The following HHLA2 variants were observed in gnomAD, a reference collection of about 807,000 sequenced individuals.
The protein encoded by HHLA2 is HHLA2 member of B7 family, also known as HERV-H LTR-associating protein 2.
HHLA2 carries 48 observed loss-of-function variants against 45.9 expected under a neutral mutation model. That is an observed-to-expected ratio of 1.05 (90% CI 0.83 to 1.33). The LOEUF is 1.33. Among genes scored for constraint, HHLA2 ranks in the 40% most tolerant of loss-of-function variants. The pLI, the probability that HHLA2 is intolerant of heterozygous loss-of-function variation, is 0.00. For synonymous variants in HHLA2, 161 were observed against 173.9 expected (o/e 0.93, Z 0.59); for missense variants, 462 against 494.3 (o/e 0.93, Z 0.62).
chr3:108,298,902 A>G (rs1439492369), intron 1 of HHLA2, among the ~76,000 whole-genome samples: 1 of 149,070 alleles, frequency 6.7e-6, no homozygotes, highest in Non-Finnish European at 1.5e-5. Context: ...GCAAATGTAC[A>G]CTTGCAGCTT....
At chr3:108,351,763 TG>T (rs1560245855) in intron 3 of HHLA2, 24 bp from the exon 3 acceptor site, 2 of 1,466,806 alleles carry the variant, frequency 1.4e-6, no homozygotes, top group Non-Finnish European at 1.9e-6. Flanking sequence ...ATCCATAACA[TG>T]TGCACTTTAC....
At chr3:108,370,534 A>G (rs2107507199) in intron 8 of HHLA2, among the ~76,000 whole-genome samples, 1 of 152,314 alleles carries the variant, frequency 6.6e-6, no homozygotes, top group African/African-American at 2.4e-5. Flanking sequence ...ACTCTGAGCT[A>G]AAGGAGGAAG....
rs67374827 is a variant in HHLA2, at chr3:108,321,091, T to TAAAAAAAAAAAAAAAAAAAA, written c.-104-7177_-104-7158dup. 4.3e-4 allele frequency among the ~76,000 whole-genome samples: 44 copies of TAAAAAAAAAAAAAAAAAAAA among 101,414 alleles called. 6 individuals are homozygous for TAAAAAAAAAAAAAAAAAAAA. The highest frequency in any genetic ancestry group is 2.3e-3 in the South Asian group (6 of 2,642). 66.5% of individuals were successfully genotyped at this position (101,414 alleles called of 152,430 possible). A position where few individuals can be genotyped will look rare whatever the true frequency, so the allele number is the denominator to read the frequency against. ...TCACCAGAACATTTCTCCAGGTGTT[T>TAAAAAAAAAAAAAAAAAAAA]AAAAAAAAAAAAAAAAAAAAAGACT... On this transcript the variant is annotated intron_variant, in intron 2 of 10. Transcript: ENST00000619531.
chr3:108,349,376 A>G (rs1424131593), intron 3 of HHLA2, among the ~76,000 whole-genome samples: 6 of 152,224 alleles, frequency 3.9e-5, no homozygotes, highest in Non-Finnish European at 8.8e-5. Flanking sequence ...CTCTACGCAA[A>G]TAAACTAGAA....
chr3:108,348,648 CT>C (rs71629350), intron 3 of HHLA2, among the ~76,000 whole-genome samples: 83,525 of 149,076 alleles, frequency 0.56, 23,732 homozygotes, highest in Middle Eastern at 0.64. Context: ...GGACAAATTT[CT>C]TTTTTTTTTT....
chr3:108,308,993 T>C (rs1335366042), intron 1 of HHLA2, among the ~76,000 whole-genome samples: 2 of 152,248 alleles, frequency 1.3e-5, no homozygotes, highest in Non-Finnish European at 2.9e-5. Flanking sequence ...TCCTTTGCTA[T>C]GCGGAAGCTT....
At chr3:108,312,287 C>G (rs1167458952) in intron 2 of HHLA2, among the ~76,000 whole-genome samples, 1 of 152,236 alleles carries the variant, frequency 6.6e-6, no homozygotes, top group Non-Finnish European at 1.5e-5. Flanking sequence ...AGCCATCACC[C>G]ATGTGGCCAA....
chr3:108,376,585 A>G (rs780381888), intron 10 of HHLA2, 28 bp downstream of exon 9: 1 of 1,588,326 alleles, frequency 6.3e-7, no homozygotes, highest in Non-Finnish European at 8.6e-7. Flanking sequence ...TTATCAAACC[A>G]TATACAGTAT....
At chr3:108,376,207 A>T (rs1187850456) in intron 9 of HHLA2, among the ~76,000 whole-genome samples, 1 of 152,162 alleles carries the variant, frequency 6.6e-6, no homozygotes, top group Non-Finnish European at 1.5e-5. Context: ...CATTGTTAGC[A>T]GTTGGTAGGA....
At chr3:108,377,936 G>T (rs900647565) in exon 11 of HHLA2, 5 of 152,198 alleles carry the variant, frequency 3.3e-5, no homozygotes, top group African/African-American at 1.2e-4. Flanking sequence ...ATGGCCTAAA[G>T]TAACTGAAGA....
At chr3:108,340,863 G>A (rs2081552853) in intron 3 of HHLA2, among the ~76,000 whole-genome samples, 1 of 149,496 alleles carries the variant, frequency 6.7e-6, no homozygotes, top group African/African-American at 2.5e-5. Flanking sequence ...AAGAAACAGG[G>A]GTCCTGGAGA....
At chr3:108,355,516 C>T (rs762784009) in intron 6 of HHLA2, 135 bp downstream of exon 5, 9 of 995,516 alleles carry the variant, frequency 9.0e-6, no homozygotes, top group African/African-American at 1.6e-5. Context: ...AGACCAAGAC[C>T]GAAGCCCTAG....
At chr3:108,362,558 T>C in intron 8 of HHLA2, 112 bp downstream of exon 7, 1 of 730,954 alleles carries the variant, frequency 1.4e-6, no homozygotes, top group Non-Finnish European at 2.3e-6. Context: ...CTGAATTTTC[T>C]GGAATGTCAT....
exon 11 of HHLA2, chr3:108,377,421 G>T (rs1205700592): frequency 6.6e-6 from 4 of 605,186 alleles, no homozygotes; most frequent in Non-Finnish European, 1.2e-5. Context: ...ACCATTTTCT[G>T]GTATCACATT....
chr3:108,337,498 A>G (rs1418336079), intron 3 of HHLA2, among the ~76,000 whole-genome samples: 3 of 152,148 alleles, frequency 2.0e-5, no homozygotes, highest in Admixed American at 1.3e-4. Context: ...ATCTTTGTCT[A>G]TGTGGAATCT....
chr3:108,303,468 C>T (rs759664510), intron 1 of HHLA2, among the ~76,000 whole-genome samples: 3 of 152,158 alleles, frequency 2.0e-5, no homozygotes, highest in East Asian at 3.9e-4. Context: ...TTTGTTTCCT[C>T]ATATCTACAA....
intron 1 of HHLA2, among the ~76,000 whole-genome samples, chr3:108,306,146 A>AT (rs1262773601): frequency 1.3e-5 from 2 of 151,972 alleles, no homozygotes; most frequent in African/African-American, 4.8e-5. Flanking sequence ...CTTTCACTCC[A>AT]TTTCCACCCT....
rs141869512 is a variant in HHLA2, at chr3:108,322,478, G to T, written c.-104-5792G>T. On this transcript the variant is annotated intron_variant, in intron 2 of 10. Transcript: ENST00000619531. ...CCATTTTTATCTTTGACTGCTGAGA[G>T]CTTTCATGCCCACCTCCTCTTTCCT... 3.3e-5 allele frequency among the ~76,000 whole-genome samples: 5 copies of T among 152,256 alleles called. No homozygotes were observed. The East Asian group carries it at 7.7e-4, about 23-fold the overall frequency.
Position 108,375,425 on chromosome 3 carries a change from A to G in HHLA2, c.1109-325A>G, listed in dbSNP as rs142114190. The stretch of plus-strand genomic sequence containing the variant: ...GCACACCAACATGGCACATGTATAC[A>G]TATGTAACAAACCTGTATGTTGTGC... On this transcript the variant is annotated intron_variant, in intron 8 of 10. Coordinates refer to ENST00000619531, the Ensembl canonical transcript of HHLA2. Among the ~76,000 whole-genome samples, 574 of 152,224 alleles carry G rather than the reference A, an allele frequency of 3.8e-3. 5 individuals are homozygous for G. Among genetic ancestry groups the G allele is most frequent in the African/African-American group, 0.013 (538 of 41,528 alleles).
Sources: gnomAD v4.1 joint callset for allele counts (sites outside exome capture counted in the v4.1 genomes callset) on GRCh38, gnomAD v4.1.1 for gene constraint, MANE v1.5 for transcripts, NCBI Gene and HGNC (gene_info 2026-07-23, HGNC 2026-07-21) for gene names.